ZRANB3: variants seen among roughly 807,000 people sequenced by gnomAD.
The protein encoded by ZRANB3 is zinc finger RANBP2-type containing 3, also known as DNA annealing helicase and endonuclease ZRANB3.
ZRANB3 carries 125 observed loss-of-function variants against 133.8 expected under a neutral mutation model. The observed-to-expected ratio is 0.93, with a 90% confidence interval of 0.81 to 1.08. The LOEUF (loss-of-function observed/expected upper bound fraction) is 1.08. Ranked by LOEUF, ZRANB3 falls within the 50% of genes least tolerant of loss-of-function variation. The pLI is 0.00. For missense variants in ZRANB3, 1,229 were observed against 1,275.5 expected, an observed-to-expected ratio of 0.96 and a Z score of 0.56; for synonymous variants, 387 against 432.7, an observed-to-expected ratio of 0.89 and a Z score of 1.31.
At chr2:135,336,469 G>A (rs1684375610) in intron 6 of ZRANB3, among the ~76,000 whole-genome samples, 1 of 152,162 alleles carries the variant, frequency 6.6e-6, no homozygotes, top group Admixed American at 6.5e-5. Flanking sequence ...GCACTCCACA[G>A]ACTAACTTAA....
chr2:135,398,013 T>C (rs1409771989), intron 2 of ZRANB3, among the ~76,000 whole-genome samples: 1 of 152,166 alleles, frequency 6.6e-6, no homozygotes, highest in Non-Finnish European at 1.5e-5. Context: ...ATCATGTCCA[T>C]TTGCTCTCCA....
chr2:135,442,982 G>T (rs1689848742), intron 2 of ZRANB3, among the ~76,000 whole-genome samples: 1 of 151,978 alleles, frequency 6.6e-6, no homozygotes, highest in African/African-American at 2.4e-5. Flanking sequence ...CAGGCATGGT[G>T]GCGGGCGCCT....
At chr2:135,351,629 G>A (rs1685213269) in intron 4 of ZRANB3, among the ~76,000 whole-genome samples, 1 of 152,134 alleles carries the variant, frequency 6.6e-6, no homozygotes, top group South Asian at 2.1e-4. Flanking sequence ...ACTAACTTAG[G>A]TATACTGAGA....
intron 8 of ZRANB3, among the ~76,000 whole-genome samples, chr2:135,298,625 T>C (rs933209565): frequency 6.6e-6 from 1 of 152,172 alleles, no homozygotes; most frequent in Non-Finnish European, 1.5e-5. Flanking sequence ...GCTACTGGCC[T>C]CTGGGCTGGT....
chr2:135,334,867 C>G (rs1182509120), intron 6 of ZRANB3, among the ~76,000 whole-genome samples: 1 of 151,846 alleles, frequency 6.6e-6, no homozygotes, highest in East Asian at 1.9e-4. Flanking sequence ...TGCACTCCAG[C>G]CTGGGCGACA....
At chr2:135,417,268 AAAAC>A (rs1156270880) in intron 2 of ZRANB3, among the ~76,000 whole-genome samples, 1 of 152,144 alleles carries the variant, frequency 6.6e-6, no homozygotes, top group African/African-American at 2.4e-5. Flanking sequence ...TTACAAGAAA[AAAAC>A]AAACAACCCC....
chr2:135,233,957 T>G (rs141781332), intron 12 of ZRANB3, among the ~76,000 whole-genome samples: 6,713 of 152,238 alleles, frequency 0.044, 498 homozygotes, highest in African/African-American at 0.15. Flanking sequence ...TAACCTTAAA[T>G]GTAAATGGGC....
intron 12 of ZRANB3, among the ~76,000 whole-genome samples, chr2:135,248,334 T>C (rs1343503207): frequency 6.6e-6 from 1 of 152,150 alleles, no homozygotes; most frequent in Non-Finnish European, 1.5e-5. Context: ...ATAAAAGCCC[T>C]GGGAGACAAC....
At chr2:135,306,030 G>T (rs1440083970) in intron 8 of ZRANB3, among the ~76,000 whole-genome samples, 3 of 152,060 alleles carry the variant, frequency 2.0e-5, no homozygotes, top group Non-Finnish European at 4.4e-5. Flanking sequence ...CTTTGTCTTT[G>T]ACTTCTGACA....
intron 8 of ZRANB3, among the ~76,000 whole-genome samples, chr2:135,278,155 G>A (rs568149828): frequency 1.3e-5 from 2 of 152,186 alleles, no homozygotes; most frequent in African/African-American, 4.8e-5. Context: ...AATGAAAATA[G>A]ACCCAGAACG....
chr2:135,311,100 T>G (rs1456059753), intron 8 of ZRANB3, among the ~76,000 whole-genome samples: 3 of 152,106 alleles, frequency 2.0e-5, no homozygotes, highest in Non-Finnish European at 4.4e-5. Flanking sequence ...ATATATATAT[T>G]ACAGAACTTG....
At position 135,519,818 on chromosome 2, in the gene ZRANB3, G is replaced by A. The variant is rs192625827; in HGVS notation, c.-8+11309C>T. The stretch of plus-strand genomic sequence containing the variant: ...TACAGGGGAAGTACTGGGTGTTAAG[G>A]GAGCATACACACGGGACTAATTTTT... On this transcript the variant is annotated intron_variant, in intron 1 of 20. Transcript: ENST00000264159. Among the ~76,000 whole-genome samples the A allele has an allele frequency of 4.5e-4, 68 of 152,244 alleles. 1 individual carries two copies. The South Asian group carries it at 8.5e-3, about 19-fold the overall frequency.
intron 3 of ZRANB3, among the ~76,000 whole-genome samples, chr2:135,377,616 A>C (rs1686486304): frequency 6.6e-6 from 1 of 152,244 alleles, no homozygotes; most frequent in African/African-American, 2.4e-5. Flanking sequence ...GCAACAAGAT[A>C]AAGAAAGTAG....
intron 2 of ZRANB3, among the ~76,000 whole-genome samples, chr2:135,460,338 T>C (rs1690709110): frequency 6.6e-6 from 1 of 152,026 alleles, no homozygotes; most frequent in African/African-American, 2.4e-5. Flanking sequence ...CTCAGCTCAC[T>C]GCAACCTCTG....
intron 2 of ZRANB3, among the ~76,000 whole-genome samples, chr2:135,416,564 C>T (rs1159946163): frequency 7.9e-5 from 12 of 151,780 alleles, no homozygotes; most frequent in African/African-American, 2.7e-4. Context: ...ATGCCATCCC[C>T]ATCAAGCTAC....
chr2:135,438,914 A>T (rs1399181289), intron 2 of ZRANB3, among the ~76,000 whole-genome samples: 1 of 152,214 alleles, frequency 6.6e-6, no homozygotes, highest in Non-Finnish European at 1.5e-5. Flanking sequence ...TCTGCAGGTG[A>T]TTCAAATGCA....
intron 6 of ZRANB3, among the ~76,000 whole-genome samples, chr2:135,344,323 C>T (rs1392503716): frequency 6.6e-6 from 1 of 152,204 alleles, no homozygotes; most frequent in Non-Finnish European, 1.5e-5. Flanking sequence ...AAAATACTAC[C>T]TCTCAACATG....
intron 8 of ZRANB3, among the ~76,000 whole-genome samples, chr2:135,299,525 A>G (rs1682331325): frequency 6.6e-6 from 1 of 152,198 alleles, no homozygotes; most frequent in African/African-American, 2.4e-5. Flanking sequence ...GGTCGAAATT[A>G]TTAGAGTTCA....
At chr2:135,215,769 T>C (rs1694278621) in intron 17 of ZRANB3, among the ~76,000 whole-genome samples, 1 of 152,182 alleles carries the variant, frequency 6.6e-6, no homozygotes, top group Non-Finnish European at 1.5e-5. Context: ...TTTTATGCCC[T>C]AGAGCAAGAT....
Sources: allele counts gnomAD v4.1 joint callset (sites outside exome capture counted in the v4.1 genomes callset), GRCh38; gene constraint gnomAD v4.1.1; transcripts MANE v1.5; gene names NCBI Gene and HGNC (gene_info 2026-07-23, HGNC 2026-07-21).